RHOBTB2: variants seen among roughly 807,000 people sequenced by gnomAD.
The protein encoded by RHOBTB2 is Rho related BTB domain containing 2, also known as rho-related BTB domain-containing protein 2.
In RHOBTB2, 39 loss-of-function variants were observed where a neutral mutation model predicts 66.5. The ratio of observed to expected loss-of-function variants is 0.59; its 90% CI spans 0.45 to 0.77. The LOEUF (loss-of-function observed/expected upper bound fraction) is 0.77. Ranked by LOEUF, RHOBTB2 falls within the 30% of genes least tolerant of loss-of-function variation. The pLI is 0.00. For synonymous variants in RHOBTB2, 390 were observed against 395.0 expected, an observed-to-expected ratio of 0.99 and a Z score of 0.15; for missense variants, 755 against 999.1, an observed-to-expected ratio of 0.76 and a Z score of 3.29.
In RHOBTB2 at chr8:23,007,521, T is replaced by G. The variant is rs755306382; in HGVS notation, c.1276T>G (p.Phe426Val). 6.2e-7 allele frequency: 1 copy of G among 1,613,930 alleles called. No homozygotes were observed. Among genetic ancestry groups the G allele is most frequent in the Admixed American group, 1.7e-5 (1 of 60,000 alleles). ...GGACAGTTCCATCCAGCCGGGGCCC[T>G]TCCGGGCTGTCCTCAAGTACCTGTA... ...KMDSSIQPGP[F>V]RAVLKYLYTG... Residue 426 changes from phenylalanine to valine, a missense_variant, in exon 5 of 10, where the codon TTC (phenylalanine) becomes GTC (valine). Physicochemically the swap from Phe to Val is conservative, Grantham distance 50. Coordinates refer to ENST00000251822, the MANE Select transcript of RHOBTB2 (RefSeq NM_015178.3).
At chr8:22,965,037 G>A in the RHOBTB2 span, among the ~76,000 whole-genome samples, 1 of 151,950 alleles carries the variant, frequency 6.6e-6, no homozygotes, top group Non-Finnish European at 1.5e-5. Context: ...GGCTGGTCTC[G>A]AATTCCTGAC....
At chr8:23,001,738 C>T (rs974280650) in intron 1 of RHOBTB2, among the ~76,000 whole-genome samples, 3 of 152,116 alleles carry the variant, frequency 2.0e-5, no homozygotes, top group Admixed American at 1.3e-4. Context: ...CTTGCCTCTT[C>T]CTAGATAGGA....
At chr8:22,951,244 C>CTTTTTTTTTTTTTTTTTTTTTTTTT in the RHOBTB2 span, among the ~76,000 whole-genome samples, 1 of 87,966 alleles carries the variant, frequency 1.1e-5, no homozygotes, top group Non-Finnish European at 2.0e-5. Context: ...CTACTTAGCT[C>CTTTTTTTTTTTTTTTTTTTTTTTTT]TTTTTTTTTT....
At chr8:22,994,635 A>T (rs1173032797), upstream of RHOBTB2, 1 of 1,551,130 alleles carries the variant, frequency 6.4e-7, no homozygotes, top group African/African-American at 1.4e-5. Context: ...CTCTTCAGAC[A>T]GCATGTGAGT....
chr8:22,968,305 A>G, the RHOBTB2 span, among the ~76,000 whole-genome samples: 1 of 152,198 alleles, frequency 6.6e-6, no homozygotes, highest in Non-Finnish European at 1.5e-5. Context: ...TATATATTAA[A>G]TCATAAATAT....
At chr8:22,998,073 A>C (rs1466725271), upstream of RHOBTB2, among the ~76,000 whole-genome samples, 1 of 152,120 alleles carries the variant, frequency 6.6e-6, no homozygotes, top group Non-Finnish European at 1.5e-5. Context: ...GTAGATTGAG[A>C]AAGGGGTGGG....
intron 6 of RHOBTB2, among the ~76,000 whole-genome samples, chr8:23,010,283 C>T (rs1811101307): frequency 6.6e-6 from 1 of 152,140 alleles, no homozygotes; most frequent in Admixed American, 6.5e-5. Context: ...GACGCTGTTT[C>T]TAAAAATAAA....
chr8:23,006,495 G>C lies in RHOBTB2; in HGVS notation c.483-233G>C. The stretch of plus-strand genomic sequence containing the variant: ...TTGCCAGAGAGGCAGTGCTGTCACG[G>C]CTTTGTACTGGGGAGGTCACTGGGG... On this transcript the variant is annotated intron_variant, in intron 4 of 9. Coordinates refer to ENST00000251822, the MANE Select transcript of RHOBTB2 (RefSeq NM_015178.3). This position sits in a 1 kb window ranked among gnomAD's most constrained non-coding sequence, Gnocchi z 6.1. The C allele has an allele frequency of 1.7e-6, 1 of 578,146 alleles. No homozygotes were observed. Among genetic ancestry groups the C allele is most frequent in the Admixed American group, 3.1e-5 (1 of 31,934 alleles). 35.8% of individuals were successfully genotyped at this position (578,146 alleles called of 1,614,324 possible). A position where few individuals can be genotyped will look rare whatever the true frequency, so the allele number is the denominator to read the frequency against.
At chr8:23,005,062 A>G (rs1205884108) in intron 2 of RHOBTB2, among the ~76,000 whole-genome samples, 3 of 152,074 alleles carry the variant, frequency 2.0e-5, no homozygotes, top group African/African-American at 4.8e-5. Flanking sequence ...GGCCCCTTCC[A>G]CACCCATAGC....
At chr8:22,982,014 G>A in the RHOBTB2 span, among the ~76,000 whole-genome samples, 6 of 152,302 alleles carry the variant, frequency 3.9e-5, no homozygotes, top group East Asian at 3.9e-4. Flanking sequence ...GGTGGTGACC[G>A]TTACCAGAGA....
rs1472411497 is a variant in RHOBTB2, at chr8:23,007,379, C to A, written c.1134C>A (p.Tyr378Ter). Reference sequence around the variant, plus strand: ...TCTTACGGGGCAACGGAACAGGGTACCTACCGGGCAGGGGTCGTGTGCTGT... The same window carrying A: ...TCTTACGGGGCAACGGAACAGGGTAACTACCGGGCAGGGGTCGTGTGCTGT... ...DGILRGNGTG[Y>*]LPGRGRVLSS... is the part of the protein sequence containing the mutation. Residue 378 changes from tyrosine (Y) to a stop codon, truncating the protein, a stop_gained, in exon 5 of 10, where the codon TAC becomes TAA. Transcript: ENST00000251822. LOFTEE classifies it high-confidence loss of function. 1 of 1,614,046 alleles carries A rather than the reference C, an allele frequency of 6.2e-7. No individual in the cohort carries two copies. The highest frequency in any genetic ancestry group is 1.7e-5 in the Admixed American group (1 of 60,016).
the RHOBTB2 span, among the ~76,000 whole-genome samples, chr8:22,971,951 C>T: frequency 6.6e-6 from 1 of 152,210 alleles, no homozygotes; most frequent in Admixed American, 6.5e-5. Flanking sequence ...CCAGCTGCCT[C>T]CTGGATGTTT....
intron 7 of RHOBTB2, 23 bp downstream of exon 7, chr8:23,010,711 G>A (rs568787630): frequency 1.2e-6 from 2 of 1,612,492 alleles, no homozygotes; most frequent in African/African-American, 1.3e-5. Context: ...TGCACTCGGG[G>A]ACCTCCCCGC....
At chr8:23,000,470 G>A (rs1004381295) in intron 1 of RHOBTB2, among the ~76,000 whole-genome samples, 15 of 152,176 alleles carry the variant, frequency 9.9e-5, no homozygotes, top group Non-Finnish European at 2.1e-4. Context: ...GTGGAATTGG[G>A]GTGTTTTGCT....
the RHOBTB2 span, among the ~76,000 whole-genome samples, chr8:22,962,895 G>A: frequency 6.6e-6 from 1 of 152,230 alleles, no homozygotes; most frequent in South Asian, 2.1e-4. Context: ...TACTTGAGTG[G>A]ACCACCTGGG....
Position 23,007,352 on chromosome 8 carries a change from G to A in RHOBTB2, c.1107G>A (p.Gly369=), listed in dbSNP as rs1374208344. ...PAGLRASTSD[G]ILRGNGTGYL... is the part of the protein sequence containing the mutation. ...GCCTCCGTGCTTCCACCAGCGACGG[G>A]ATCTTACGGGGCAACGGAACAGGGT... is the stretch of plus-strand genomic sequence containing the variant. Residue 369 remains glycine (G), a synonymous_variant, in exon 5 of 10, where the codon GGG becomes GGA. Transcript: ENST00000251822. 12 of 1,613,840 alleles carry A rather than the reference G, an allele frequency of 7.4e-6. No individual in the cohort carries two copies. Among genetic ancestry groups the A allele is most frequent in the Non-Finnish European group, 1.0e-5 (12 of 1,179,838 alleles).
upstream of RHOBTB2, among the ~76,000 whole-genome samples, chr8:22,986,475 T>C (rs112302152): frequency 5.7e-4 from 86 of 151,836 alleles, no homozygotes; most frequent in African/African-American, 1.8e-3. Flanking sequence ...CCCAGGCTGG[T>C]CTTGAACTAC....
chr8:22,986,913 T>C (rs1189318246), upstream of RHOBTB2, among the ~76,000 whole-genome samples: 2 of 152,244 alleles, frequency 1.3e-5, no homozygotes, highest in Non-Finnish European at 2.9e-5. Context: ...GTTTTCTACC[T>C]GTGTGCAGGT....
At chr8:22,973,170 C>T in the RHOBTB2 span, among the ~76,000 whole-genome samples, 1 of 152,198 alleles carries the variant, frequency 6.6e-6, no homozygotes, top group African/African-American at 2.4e-5. Flanking sequence ...GCTCACCTCT[C>T]CTGGCTTTTA....
Sources: gnomAD v4.1 joint callset for allele counts (sites outside exome capture counted in the v4.1 genomes callset) on GRCh38, gnomAD v4.1.1 for gene constraint, Gnocchi (gnomAD v3.1) non-coding constraint, MANE v1.5 for transcripts, NCBI Gene and HGNC (gene_info 2026-07-23, HGNC 2026-07-21) for gene names.